The following ADGRL1 variants were observed in gnomAD, a reference collection of about 807,000 sequenced individuals.
ADGRL1 encodes the protein CIRL-1.
In ADGRL1, 31 loss-of-function variants were observed where a neutral mutation model predicts 148.9. That is an observed-to-expected ratio of 0.21 (90% CI 0.16 to 0.28). The LOEUF (loss-of-function observed/expected upper bound fraction) is 0.28. Ranked by LOEUF, ADGRL1 falls within the 10% of genes least tolerant of loss-of-function variation. The pLI is 1.00. For synonymous variants in ADGRL1, 937 were observed against 900.3 expected (o/e 1.04, Z -0.73); for missense variants, 1,521 against 2,058.8 (o/e 0.74, Z 5.05).
chr19:14,180,222 T>A (rs530843337), intron 2 of ADGRL1, among the ~76,000 whole-genome samples: 12 of 152,206 alleles, frequency 7.9e-5, no homozygotes, highest in Non-Finnish European at 1.5e-4. Context: ...CATGGAACTT[T>A]CTTGGACTCT....
At chr19:14,166,109 C>T (rs1298994886) in intron 4 of ADGRL1, among the ~76,000 whole-genome samples, 4 of 152,130 alleles carry the variant, frequency 2.6e-5, no homozygotes, top group East Asian at 3.9e-4. Flanking sequence ...CGCCGCCCGC[C>T]GCCCATCTCC....
chr19:14,151,610 G>C lies in ADGRL1; in HGVS notation c.3673C>G (p.Pro1225Ala). The change falls in exon 23 of 23, where the codon CCC becomes GCC. Residue 1225 changes from proline (P) to alanine (A), a missense_variant. By Grantham distance (27) the Pro-to-Ala change is conservative. Coordinates refer to ENST00000361434, the MANE Select transcript of ADGRL1 (RefSeq NM_014921.5). ...SPGSYREPKH[P>A]LGGREACGMD... ...CCACAGGCTTCCCGGCCTCCCAAGG[G>C]GTGCTCTGCAGGGCAGAAAGGGGCT... The C allele has an allele frequency of 1.3e-6, 2 of 1,596,752 alleles. No homozygotes were observed. Among genetic ancestry groups the C allele is most frequent in the Non-Finnish European group, 1.7e-6 (2 of 1,176,420 alleles).
chr19:14,154,295 C>A (rs1476095423), intron 18 of ADGRL1, among the ~76,000 whole-genome samples: 3 of 152,148 alleles, frequency 2.0e-5, no homozygotes, highest in African/African-American at 7.2e-5. Flanking sequence ...CTGCCTTAAG[C>A]CTTACCTGCC....
chr19:14,205,327 G>C (rs1234954721), intron 1 of ADGRL1, among the ~76,000 whole-genome samples: 1 of 151,908 alleles, frequency 6.6e-6, no homozygotes, highest in Non-Finnish European at 1.5e-5. Context: ...GCTTTAACCC[G>C]GCACCACGGA....
In ADGRL1 at chr19:14,148,621, CAG is replaced by C. The variant is rs1967833617; in HGVS notation, c.*2250_*2251del. ...CCATGGAACTGTCCCTTGCCCTCCT[CAG>C]AGTCGTCTGGCAAGACTGTCCCTGG... On this transcript the variant is annotated 3_prime_UTR_variant, in exon 23 of 23. Coordinates refer to ENST00000361434, the MANE Select transcript of ADGRL1 (RefSeq NM_014921.5). The C allele has an allele frequency of 6.5e-6, 1 of 152,778 alleles. No individual in the cohort carries two copies. The highest frequency in any genetic ancestry group is 1.5e-5 in the Non-Finnish European group (1 of 68,168). 9.5% of individuals were successfully genotyped at this position (152,778 alleles called of 1,614,324 possible).
intron 18 of ADGRL1, among the ~76,000 whole-genome samples, chr19:14,154,210 G>A (rs2144634407): frequency 6.6e-6 from 1 of 152,262 alleles, no homozygotes; most frequent in East Asian, 1.9e-4. Flanking sequence ...CCAGGACAAT[G>A]TTGGACAGAG....
Position 14,159,997 on chromosome 19 carries a change from TGAGGA to T in ADGRL1, c.1800+110_1800+114del, listed in dbSNP as rs1449874125. The T allele has an allele frequency of 8.6e-7, 1 of 1,169,518 alleles. No homozygotes were observed. The highest frequency in any genetic ancestry group is 2.4e-5 in the Admixed American group (1 of 41,572). 72.4% of individuals were successfully genotyped at this position (1,169,518 alleles called of 1,614,324 possible). A position where few individuals can be genotyped will look rare whatever the true frequency, so the allele number is the denominator to read the frequency against. On this transcript the variant is annotated intron_variant, in intron 8 of 22. Coordinates refer to ENST00000361434, the MANE Select transcript of ADGRL1 (RefSeq NM_014921.5). This position sits in a 1 kb window ranked among gnomAD's most constrained non-coding sequence, Gnocchi z 6.0. ...CGGAGAGGGGGGGGTCCTTCCTCTC[TGAGGA>T]AAGGAGTGGAGGTGGCAGCCTGGCT...
In ADGRL1 at chr19:14,151,468, G is replaced by A. The variant is rs775444088; in HGVS notation, c.3815C>T (p.Ala1272Val). Residue 1272 changes from alanine (A) to valine (V), a missense_variant, in exon 23 of 23, where the codon GCG becomes GTG. Transcript: ENST00000361434. ...GATGATCATCTTCTCAAAGGCCGCCGCATCGGCTAGGTTCCGGCCTCGGGG... is the reference window on the plus strand; with the variant it reads ...GATGATCATCTTCTCAAAGGCCGCCACATCGGCTAGGTTCCGGCCTCGGGG... Reference protein sequence around the residue: ...EPPRGRNLADAAAFEKMIISE... With the variant: ...EPPRGRNLADVAAFEKMIISE... The A allele has an allele frequency of 6.8e-6, 11 of 1,612,312 alleles. No individual in the cohort carries two copies. The highest frequency in any genetic ancestry group is 1.7e-4 in the Middle Eastern group (1 of 6,056).
Position 14,157,492 on chromosome 19 carries a change from C to A in ADGRL1, c.2536-32G>T, listed in dbSNP as rs775074909. ...ACAGGAACAGGGGGCACGCTCAGGG[C>A]CTTTGGTTTTGCACGCTGGGCTCAG... On this transcript the variant is annotated intron_variant, in intron 13 of 22. Coordinates refer to ENST00000361434, the MANE Select transcript of ADGRL1 (RefSeq NM_014921.5). This position sits in a 1 kb window ranked among gnomAD's most constrained non-coding sequence, Gnocchi z 7.5. The A allele has an allele frequency of 6.8e-6, 11 of 1,608,962 alleles. No individual in the cohort carries two copies. The South Asian group carries it at 1.2e-4, about 18-fold the overall frequency.
At chr19:14,153,458 C>T (rs1015356402) in intron 18 of ADGRL1, among the ~76,000 whole-genome samples, 2 of 141,120 alleles carry the variant, frequency 1.4e-5, no homozygotes, top group Non-Finnish European at 3.0e-5. Flanking sequence ...CACTGTCACT[C>T]GGGCTGGAGT....
chr19:14,174,858 T>TC (rs1568605394), intron 3 of ADGRL1, among the ~76,000 whole-genome samples: 1 of 136,770 alleles, frequency 7.3e-6, no homozygotes, highest in Non-Finnish European at 1.6e-5. Context: ...TTTTTTTTTT[T>TC]AGAGACAGGG....
chr19:14,165,846 C>T (rs1394767070), intron 4 of ADGRL1, among the ~76,000 whole-genome samples: 1 of 152,142 alleles, frequency 6.6e-6, no homozygotes, highest in East Asian at 1.9e-4. Context: ...CCACAGACCA[C>T]TGTAATTTCA....
Position 14,151,613 on chromosome 19 carries a change from G to T in ADGRL1, c.3670C>A (p.His1224Asn). The T allele has an allele frequency of 6.3e-7, 1 of 1,591,286 alleles. No homozygotes were observed. Among genetic ancestry groups the T allele is most frequent in the East Asian group, 2.2e-5 (1 of 44,842 alleles). The change falls in exon 23 of 23, where the codon CAC becomes AAC. Residue 1224 changes from histidine to asparagine, a missense_variant and splice_region_variant. His to Asn is a moderately conservative substitution (Grantham distance 68). Around this residue, in one of 8 missense-constraint regions of ADGRL1, gnomAD observed 390 missense variants for 375.0 expected, o/e 1.04. Coordinates refer to ENST00000361434, the MANE Select transcript of ADGRL1 (RefSeq NM_014921.5). ...CAGGCTTCCCGGCCTCCCAAGGGGTGCTCTGCAGGGCAGAAAGGGGCTGGT... is the reference window on the plus strand; with the variant it reads ...CAGGCTTCCCGGCCTCCCAAGGGGTTCTCTGCAGGGCAGAAAGGGGCTGGT... ...NSPGSYREPK[H>N]PLGGREACGM...
In ADGRL1 at chr19:14,161,602, C is replaced by G; in HGVS notation, c.1220G>C (p.Ser407Thr). 7.0e-7 allele frequency: 1 copy of G among 1,426,482 alleles called. No individual in the cohort carries two copies. Among genetic ancestry groups the G allele is most frequent in the Non-Finnish European group, 9.1e-7 (1 of 1,094,940 alleles). 88.4% of individuals were successfully genotyped at this position (1,426,482 alleles called of 1,614,324 possible). The change falls in exon 6 of 23, where the codon AGC (serine) becomes ACC (threonine). Residue 407 changes from serine to threonine, a missense_variant. Around this residue, in one of 8 missense-constraint regions of ADGRL1, gnomAD observed 270 missense variants for 320.4 expected, o/e 0.84. Coordinates refer to ENST00000361434, the MANE Select transcript of ADGRL1 (RefSeq NM_014921.5). The surrounding 1 kb of genome is among the most constrained non-coding windows in gnomAD (Gnocchi z 4.4). ...SAGPATSPPL[S>T]TTTTARPTPL... ...CGTGGGCCTGGCTGTGGTGGTCGTGCTGAGGGGTGGGGAAGTGGCTGGGCC... is the reference window on the plus strand; with the variant it reads ...CGTGGGCCTGGCTGTGGTGGTCGTGGTGAGGGGTGGGGAAGTGGCTGGGCC...
At chr19:14,189,289 C>T (rs1214894834) in intron 1 of ADGRL1, among the ~76,000 whole-genome samples, 3 of 148,604 alleles carry the variant, frequency 2.0e-5, no homozygotes, top group Non-Finnish European at 3.0e-5. Flanking sequence ...GGCCCAATCT[C>T]GGCTCACTGT....
At chr19:14,187,242 G>A (rs1341065281) in intron 1 of ADGRL1, among the ~76,000 whole-genome samples, 2 of 152,194 alleles carry the variant, frequency 1.3e-5, no homozygotes, top group Non-Finnish European at 1.5e-5. Context: ...GGGAGGCTGA[G>A]GCACGAGAAC....
Position 14,161,684 on chromosome 19 carries a change from C to T in ADGRL1, c.1196-58G>A. On this transcript the variant is annotated intron_variant, in intron 5 of 22. Coordinates refer to ENST00000361434, the MANE Select transcript of ADGRL1 (RefSeq NM_014921.5). The surrounding 1 kb of genome is among the most constrained non-coding windows in gnomAD (Gnocchi z 4.4). ...ATGCTCAGGGCCATGCCACAGTGTG[C>T]TTGGGCAGGGGGTCCCAGGCCATCT... The T allele has an allele frequency of 8.1e-7, 1 of 1,233,812 alleles. No homozygotes were observed. The highest frequency in any genetic ancestry group is 1.0e-6 in the Non-Finnish European group (1 of 958,226). The allele number at this position is 1,233,812 out of a possible 1,614,324, so 76.4% of individuals were successfully genotyped here.
chr19:14,199,240 AG>A (rs1317363370), intron 1 of ADGRL1, among the ~76,000 whole-genome samples: 1 of 152,220 alleles, frequency 6.6e-6, no homozygotes, highest in Non-Finnish European at 1.5e-5. Context: ...AGAGCCTCCC[AG>A]GGTGGCTGTG....
At chr19:14,164,925 G>A (rs932317815) in intron 4 of ADGRL1, among the ~76,000 whole-genome samples, 6 of 152,088 alleles carry the variant, frequency 3.9e-5, no homozygotes. Flanking sequence ...ATAGGCCAGG[G>A]CGAGGGCACA....
Sources: gnomAD v4.1 joint callset for allele counts (sites outside exome capture counted in the v4.1 genomes callset) on GRCh38, gnomAD v4.1.1 for gene constraint, gnomAD v4.1.1 regional missense constraint, Gnocchi (gnomAD v3.1) non-coding constraint, MANE v1.5 for transcripts, NCBI Gene and HGNC (gene_info 2026-07-23, HGNC 2026-07-21) for gene names.